Variants in CTNND2 observed in about 807,000 individuals in gnomAD.
The protein encoded by CTNND2 is catenin delta 2, also known as catenin delta-2.
A neutral mutation model predicts 144.4 loss-of-function variants in CTNND2; 22 were observed. The observed-to-expected ratio is 0.15, with a 90% CI of 0.11 to 0.22. The LOEUF is 0.22. Among genes scored for constraint, CTNND2 ranks in the 10% least tolerant of loss-of-function variants. The pLI is 1.00. For synonymous variants in CTNND2, 751 were observed against 695.6 expected, an observed-to-expected ratio of 1.08 and a Z score of -1.25; for missense variants, 1,353 against 1,618.8, an observed-to-expected ratio of 0.84 and a Z score of 2.82.
chr5:11,470,163 C>T (rs1039638211), intron 3 of CTNND2, among the ~76,000 whole-genome samples: 5 of 152,282 alleles, frequency 3.3e-5, no homozygotes, highest in East Asian at 1.9e-4. Flanking sequence ...AGGCCAGGCA[C>T]GGTGGCTCAC....
intron 3 of CTNND2, among the ~76,000 whole-genome samples, chr5:11,458,836 G>A (rs1445534365): frequency 6.6e-6 from 1 of 152,082 alleles, no homozygotes; most frequent in Admixed American, 6.5e-5. Context: ...CTGCAGCCTG[G>A]AGTCCCTGGG....
intron 1 of CTNND2, among the ~76,000 whole-genome samples, chr5:11,899,233 G>T (rs938427199): frequency 6.6e-6 from 1 of 152,096 alleles, no homozygotes. Context: ...TAAACAGAGC[G>T]GATGTGTAAT....
intron 14 of CTNND2, among the ~76,000 whole-genome samples, chr5:11,107,427 C>A (rs1276221462): frequency 6.6e-6 from 1 of 152,120 alleles, no homozygotes; most frequent in East Asian, 1.9e-4. Flanking sequence ...GGGTCAAGAG[C>A]ATCCGAATGA....
chr5:11,577,994 A>G (rs183852878), intron 2 of CTNND2, among the ~76,000 whole-genome samples: 226 of 152,352 alleles, frequency 1.5e-3, no homozygotes, highest in African/African-American at 5.2e-3. Context: ...CAAACACAAT[A>G]AAGTCCACTG....
chr5:11,457,030 T>C lies in CTNND2; in HGVS notation c.288-44961A>G, dbSNP rs534109305. ...TTAAAAACTTGTAATAGCCACTTAATTGGTGTCAAGCACTCTCTTAAGCAC... is the reference window on the plus strand; with the variant it reads ...TTAAAAACTTGTAATAGCCACTTAACTGGTGTCAAGCACTCTCTTAAGCAC... On this transcript the variant is annotated intron_variant, in intron 3 of 21. Coordinates refer to ENST00000304623, the MANE Select transcript of CTNND2 (RefSeq NM_001332.4). Among the ~76,000 whole-genome samples the C allele has an allele frequency of 2.6e-5, 4 of 152,348 alleles. No homozygotes were observed. The South Asian group carries it at 8.3e-4, about 32-fold the overall frequency.
intron 2 of CTNND2, among the ~76,000 whole-genome samples, chr5:11,634,031 C>A (rs1406985961): frequency 2.6e-5 from 4 of 152,108 alleles, no homozygotes; most frequent in Non-Finnish European, 4.4e-5. Context: ...TCATGCTTCT[C>A]CTGCACACAG....
At chr5:11,397,276 G>A (rs1222633429) in intron 5 of CTNND2, 73 bp from the exon 6 acceptor site, 2 of 1,323,384 alleles carry the variant, frequency 1.5e-6, no homozygotes, top group African/African-American at 1.4e-5. Flanking sequence ...TATTTATTGA[G>A]AGTAGCCTAG....
rs568927884 is a variant in CTNND2, at chr5:11,903,834, G to T, written c.20C>A (p.Pro7Gln). Residue 7 changes from proline to glutamine, a missense_variant, in exon 1 of 22, where the codon CCG becomes CAG. This residue lies in a region of CTNND2 where 708 missense variants were observed against 706.4 expected (regional missense o/e 1.00). Transcript: ENST00000304623. The surrounding 1 kb of genome is among the most constrained non-coding windows in gnomAD (Gnocchi z 5.4). MFARKP[P>Q]GAAPLGAMPV... Reference sequence around the variant, plus strand: ...CAACTCACCCAAAGGCGCGGCGCCCGGCGGCTTCCTCGCAAACATGCACCC... The same window carrying T: ...CAACTCACCCAAAGGCGCGGCGCCCTGCGGCTTCCTCGCAAACATGCACCC... The T allele has an allele frequency of 2.0e-6, 3 of 1,482,420 alleles. No homozygotes were observed. Among genetic ancestry groups the T allele is most frequent in the East Asian group, 3.0e-5 (1 of 33,834 alleles). 91.8% of individuals were successfully genotyped at this position (1,482,420 alleles called of 1,614,324 possible).
At chr5:11,897,059 C>A (rs570683699) in intron 1 of CTNND2, among the ~76,000 whole-genome samples, 1 of 152,144 alleles carries the variant, frequency 6.6e-6, no homozygotes, top group Non-Finnish European at 1.5e-5. Context: ...TTATATAACA[C>A]CTGTCTGTCT....
At chr5:11,177,094 T>C (rs1371504321) in intron 11 of CTNND2, among the ~76,000 whole-genome samples, 1 of 152,254 alleles carries the variant, frequency 6.6e-6, no homozygotes, top group Admixed American at 6.5e-5. Flanking sequence ...AATCTTGTGA[T>C]TGAATGTTAT....
chr5:11,089,187 G>C (rs1172632798), intron 15 of CTNND2, among the ~76,000 whole-genome samples: 1 of 152,204 alleles, frequency 6.6e-6, no homozygotes, highest in Non-Finnish European at 1.5e-5. Flanking sequence ...GTGACATCAG[G>C]AGAAAATAAC....
intron 3 of CTNND2, among the ~76,000 whole-genome samples, chr5:11,562,000 C>T (rs1016968884): frequency 3.3e-5 from 5 of 151,844 alleles, no homozygotes; most frequent in African/African-American, 9.7e-5. Context: ...AAGCCGAGAT[C>T]GTGCCACAGT....
chr5:11,879,698 T>C (rs936706580), intron 1 of CTNND2, among the ~76,000 whole-genome samples: 22 of 152,180 alleles, frequency 1.4e-4, no homozygotes, highest in African/African-American at 4.8e-4. Context: ...ATAAAAACTA[T>C]AGGTTCGCAA....
chr5:11,447,911 A>G (rs1172018319), intron 3 of CTNND2, among the ~76,000 whole-genome samples: 3 of 152,198 alleles, frequency 2.0e-5, no homozygotes, highest in Non-Finnish European at 4.4e-5. Context: ...GTGTATATTA[A>G]CAATGTAAGC....
intron 2 of CTNND2, among the ~76,000 whole-genome samples, chr5:11,587,425 T>C (rs1778947151): frequency 6.6e-6 from 1 of 152,092 alleles, no homozygotes; most frequent in South Asian, 2.1e-4. Flanking sequence ...TCTGATATTA[T>C]TCTGATATTC....
chr5:11,405,165 G>A (rs2149828545), intron 5 of CTNND2, among the ~76,000 whole-genome samples: 1 of 149,008 alleles, frequency 6.7e-6, no homozygotes, highest in East Asian at 2.0e-4. Context: ...TTCAAGACCA[G>A]GAAATTCCCA....
At position 11,288,780 on chromosome 5, in the gene CTNND2, T is replaced by C. The variant is rs998254973; in HGVS notation, c.1629-51957A>G. On this transcript the variant is annotated intron_variant, in intron 9 of 21. Transcript: ENST00000304623. ...TTCAATTAGTTATTTTATTTCAGGC[T>C]GATTATATGAGATCCTATGATGAGA... 2.7e-5 allele frequency among the ~76,000 whole-genome samples: 4 copies of C among 148,136 alleles called. No individual in the cohort carries two copies. In the Admixed American group the frequency reaches 2.7e-4, roughly 10 times the overall value.
Position 11,887,904 on chromosome 5 carries a change from C to T in CTNND2, c.37+15913G>A, listed in dbSNP as rs1466216929. Among the ~76,000 whole-genome samples, 4 of 152,178 alleles carry T rather than the reference C, an allele frequency of 2.6e-5. No homozygotes were observed. In the East Asian group the frequency reaches 7.7e-4, roughly 29 times the overall value. On this transcript the variant is annotated intron_variant, in intron 1 of 21. Transcript: ENST00000304623. ...GAGGTTATGGGCTTTGGGGAAGAAG[C>T]CACAAAAGTAAAGTACTATTTTCAA...
At chr5:11,439,072 A>G (rs946407940) in intron 3 of CTNND2, among the ~76,000 whole-genome samples, 1 of 152,086 alleles carries the variant, frequency 6.6e-6, no homozygotes, top group Admixed American at 6.6e-5. Context: ...TCTCCGACAT[A>G]TCAAATTTAC....
Sources: allele counts gnomAD v4.1 joint callset (sites outside exome capture counted in the v4.1 genomes callset), GRCh38; gene constraint gnomAD v4.1.1; regional missense constraint gnomAD v4.1.1; non-coding constraint Gnocchi (gnomAD v3.1); transcripts MANE v1.5; gene names NCBI Gene and HGNC (gene_info 2026-07-23, HGNC 2026-07-21).